The following CASTOR2 variants were observed in gnomAD, a reference collection of about 807,000 sequenced individuals.
CASTOR2 encodes GATS protein like 2.
In CASTOR2, 8 loss-of-function variants were observed where a neutral mutation model predicts 31.2. The ratio of observed to expected loss-of-function variants is 0.26; its 90% CI spans 0.15 to 0.46. CASTOR2 has a LOEUF of 0.46. Among genes scored for constraint, CASTOR2 ranks in the 20% least tolerant of loss-of-function variants. The pLI, the probability that CASTOR2 is intolerant of heterozygous loss-of-function variation, is 0.99. For missense variants in CASTOR2, 216 were observed against 382.1 expected, an observed-to-expected ratio of 0.57 and a Z score of 3.62; for synonymous variants, 162 against 158.7, an observed-to-expected ratio of 1.02 and a Z score of -0.16.
intron 2 of CASTOR2, among the ~76,000 whole-genome samples, chr7:75,009,262 CTTTTTTTTTTT>C (rs1161937896): frequency 5.0e-5 from 3 of 60,296 alleles, no homozygotes; most frequent in Middle Eastern, 0.031. Flanking sequence ...GGCCTGAGAA[CTTTTTTTTTTT>C]TTTTTTTTTT....
rs1279022439 is a variant in CASTOR2 at position 75,026,860 on chromosome 7, C to T, written c.*2161C>T. 1.3e-5 allele frequency among the ~76,000 whole-genome samples: 2 copies of T among 152,128 alleles called. No individual in the cohort carries two copies. The highest frequency in any genetic ancestry group is 2.9e-5 in the Non-Finnish European group (2 of 68,024). ...TCACTTCTCTGCCTTTCCTTCCCGCCGTGCAAGTGTGTCGGCCCCGTGACC... is the reference window on the plus strand; with the variant it reads ...TCACTTCTCTGCCTTTCCTTCCCGCTGTGCAAGTGTGTCGGCCCCGTGACC... On this transcript the variant is annotated 3_prime_UTR_variant, in exon 9 of 9. Transcript: ENST00000616305.
chr7:75,008,541 TTTAAA>T lies in CASTOR2; in HGVS notation c.184+482_184+486del, dbSNP rs1157774852. Among the ~76,000 whole-genome samples, 1,438 of 151,930 alleles carry T rather than the reference TTTAAA, an allele frequency of 9.5e-3. 28 individuals are homozygous for T. The highest frequency in any genetic ancestry group is 0.033 in the African/African-American group (1,358 of 41,426). On this transcript the variant is annotated intron_variant, in intron 2 of 8. Coordinates refer to ENST00000616305, the MANE Select transcript of CASTOR2 (RefSeq NM_001145064.3). Reference sequence around the variant, plus strand: ...GACCCCGTCTCTACTAAAACGTTACTTTAAATTAACTGGACATGATGGCATGTTCC... The same window carrying T: ...GACCCCGTCTCTACTAAAACGTTACTTTAACTGGACATGATGGCATGTTCC...
At chr7:75,002,318 G>A (rs1304164714) in intron 1 of CASTOR2, among the ~76,000 whole-genome samples, 3 of 152,036 alleles carry the variant, frequency 2.0e-5, no homozygotes, top group Admixed American at 2.0e-4. Flanking sequence ...GCTATGCTGG[G>A]TAGCTGAAAG....
intron 1 of CASTOR2, among the ~76,000 whole-genome samples, chr7:74,994,731 C>A (rs1804298342): frequency 6.7e-6 from 1 of 149,020 alleles, no homozygotes; most frequent in Non-Finnish European, 1.5e-5. Context: ...GCCTAGGCAA[C>A]AAAGCAAGAC....
intron 1 of CASTOR2, among the ~76,000 whole-genome samples, chr7:74,985,946 G>C (rs1195668201): frequency 6.6e-6 from 1 of 151,780 alleles, no homozygotes; most frequent in African/African-American, 2.4e-5. Context: ...GGATTTTTTT[G>C]AGACAGAGTC....
At chr7:74,967,578 T>C (rs1803595751) in intron 1 of CASTOR2, among the ~76,000 whole-genome samples, 1 of 92,718 alleles carries the variant, frequency 1.1e-5, no homozygotes, top group Non-Finnish European at 2.2e-5. Context: ...TGAGTTTTGC[T>C]CTTGTCCGGG....
At chr7:74,993,956 G>A (rs1199541644) in intron 1 of CASTOR2, among the ~76,000 whole-genome samples, 3 of 152,196 alleles carry the variant, frequency 2.0e-5, no homozygotes, top group Admixed American at 2.0e-4. Context: ...GGGGTTTCAG[G>A]TCTGTTGCTG....
At chr7:75,022,685 G>C (rs1366005612) in intron 7 of CASTOR2, among the ~76,000 whole-genome samples, 1 of 152,196 alleles carries the variant, frequency 6.6e-6, no homozygotes, top group Non-Finnish European at 1.5e-5. Flanking sequence ...TGTAATCCCA[G>C]CTACTCAGGA....
intron 1 of CASTOR2, among the ~76,000 whole-genome samples, chr7:74,986,864 A>G (rs1804078539): frequency 6.6e-6 from 1 of 150,444 alleles, no homozygotes; most frequent in African/African-American, 2.4e-5. Context: ...TGAACAATGT[A>G]GTAAGACCCC....
intron 2 of CASTOR2, among the ~76,000 whole-genome samples, chr7:75,009,422 C>T (rs1323320091): frequency 6.6e-5 from 10 of 151,414 alleles, no homozygotes; most frequent in Admixed American, 2.0e-4. Context: ...CGCCCGCCAC[C>T]ACGCCCGGCT....
intron 1 of CASTOR2, among the ~76,000 whole-genome samples, chr7:74,996,133 C>T (rs1804341398): frequency 6.6e-6 from 1 of 151,978 alleles, no homozygotes; most frequent in African/African-American, 2.4e-5. Context: ...TTAAGCTCAC[C>T]CAGCAATGGG....
chr7:75,012,940 C>T (rs1457194311), intron 2 of CASTOR2, among the ~76,000 whole-genome samples: 1 of 152,250 alleles, frequency 6.6e-6, no homozygotes, highest in Non-Finnish European at 1.5e-5. Flanking sequence ...AACCACCGTG[C>T]ACAGCCCACT....
chr7:75,030,533 G>A lies in CASTOR2; in HGVS notation c.*5834G>A, dbSNP rs1234059990. ...GTTCTGGCTCAGGGTCATTCATGAG[G>A]TTGCTGTTGTCTGAAATCTTAGCTA... On this transcript the variant is annotated 3_prime_UTR_variant, in exon 9 of 9. Transcript: ENST00000616305. Among the ~76,000 whole-genome samples, 2 of 152,246 alleles carry A rather than the reference G, an allele frequency of 1.3e-5. No homozygotes were observed. Among genetic ancestry groups the A allele is most frequent in the Admixed American group, 6.5e-5 (1 of 15,298 alleles).
At chr7:74,995,963 G>A (rs1401859142) in intron 1 of CASTOR2, among the ~76,000 whole-genome samples, 59 of 152,140 alleles carry the variant, frequency 3.9e-4, no homozygotes, top group African/African-American at 1.4e-3. Flanking sequence ...GGGCAACAGA[G>A]CAAGACCTTA....
Position 74,988,012 on chromosome 7 carries a change from T to TG in CASTOR2, c.114-19982_114-19981insG, listed in dbSNP as rs1256663806. 1.2e-3 allele frequency among the ~76,000 whole-genome samples: 187 copies of TG among 151,900 alleles called. 1 individual carries two copies. The highest frequency in any genetic ancestry group is 2.8e-4 in the Non-Finnish European group (19 of 67,944). On this transcript the variant is annotated intron_variant, in intron 1 of 8. Transcript: ENST00000616305. ...TGTGAGTCACTGCGCCTGGCCTTTT[T>TG]TTTTTTTTAATAATATTTTACAAAA...
chr7:74,998,458 C>G (rs1474817651), intron 1 of CASTOR2, among the ~76,000 whole-genome samples: 4 of 152,090 alleles, frequency 2.6e-5, no homozygotes, highest in Non-Finnish European at 5.9e-5. Context: ...ACAAAATTAG[C>G]GGGGCATGGT....
Position 75,018,079 on chromosome 7 carries a change from C to G in CASTOR2, c.468C>G (p.Ala156=), listed in dbSNP as rs1302615620. ...TCGTCAATGGCGAGACCGTGGCAGC[C>G]GAGAACCTCGGCATCACCAATGGCT... ...LRVVNGETVA[A]ENLGITNGFV... is the part of the protein sequence containing the mutation. Residue 156 remains alanine (A), a synonymous_variant, in exon 4 of 9, where the codon GCC becomes GCG. Transcript: ENST00000616305. 139 of 1,614,134 alleles carry G rather than the reference C, an allele frequency of 8.6e-5. No homozygotes were observed. The South Asian group carries it at 1.2e-3, about 14-fold the overall frequency.
chr7:75,006,496 C>T (rs1294666897), intron 1 of CASTOR2, among the ~76,000 whole-genome samples: 1 of 152,182 alleles, frequency 6.6e-6, no homozygotes. Context: ...CCCATGGATA[C>T]ACCAGCCACC....
In CASTOR2 at chr7:75,014,506, C is replaced by T. The variant is rs1171103993; in HGVS notation, c.185-3092C>T. 7.3e-4 allele frequency among the ~76,000 whole-genome samples: 110 copies of T among 151,484 alleles called. 1 individual carries two copies. The highest frequency in any genetic ancestry group is 1.3e-3 in the Non-Finnish European group (87 of 67,942). ...ACTCAGGAGGCTGAGACATGAGAATCGCTTGAACCCGGGAGGCAGAGGTTG... is the reference window on the plus strand; with the variant it reads ...ACTCAGGAGGCTGAGACATGAGAATTGCTTGAACCCGGGAGGCAGAGGTTG... On this transcript the variant is annotated intron_variant, in intron 2 of 8. Coordinates refer to ENST00000616305, the MANE Select transcript of CASTOR2 (RefSeq NM_001145064.3).
Sources: gnomAD v4.1 joint callset for allele counts (sites outside exome capture counted in the v4.1 genomes callset) on GRCh38, gnomAD v4.1.1 for gene constraint, MANE v1.5 for transcripts, NCBI Gene and HGNC (gene_info 2026-07-23, HGNC 2026-07-21) for gene names.